KCNIP1: variants seen among roughly 807,000 people sequenced by gnomAD.
KCNIP1 encodes potassium voltage-gated channel interacting protein 1, also known as A-type potassium channel modulatory protein KCNIP1.
In KCNIP1, 18 loss-of-function variants were observed where a neutral mutation model predicts 33.0. The ratio of observed to expected loss-of-function variants is 0.55; its 90% CI spans 0.38 to 0.81. KCNIP1 has a LOEUF of 0.81. Among genes scored for constraint, KCNIP1 ranks in the 30% least tolerant of loss-of-function variants. The pLI is 0.00. For missense variants in KCNIP1, 238 were observed against 271.6 expected (o/e 0.88, Z 0.87); for synonymous variants, 93 against 98.3 (o/e 0.95, Z 0.32).
intron 1 of KCNIP1, chr5:170,681,141 C>G (rs539791313): frequency 2.5e-6 from 1 of 399,106 alleles, no homozygotes; most frequent in Non-Finnish European, 4.4e-6. Flanking sequence ...CTCCCTGAAA[C>G]TTTTGCACTA....
rs543689214 is a variant in KCNIP1, at chr5:170,619,450, C to G, written c.62-99308C>G. ...AAGGACACAAAGGTTTGCCAGGAGC[C>G]TTCAGGTAGGAGGCAGGTAAGGAGG... On this transcript the variant is annotated intron_variant, in intron 1 of 7. Coordinates refer to ENST00000328939, the MANE Select transcript of KCNIP1 (RefSeq NM_014592.4). Among the ~76,000 whole-genome samples the G allele has an allele frequency of 2.0e-3, 300 of 152,244 alleles. 2 individuals carry two copies. Among genetic ancestry groups the G allele is most frequent in the Non-Finnish European group, 2.0e-3 (138 of 68,018 alleles).
intron 1 of KCNIP1, among the ~76,000 whole-genome samples, chr5:170,420,066 A>G (rs1194585741): frequency 1.3e-5 from 2 of 152,234 alleles, no homozygotes; most frequent in South Asian, 4.1e-4. Context: ...GTAACATTAC[A>G]TTTTTTCATA....
rs137911350 is a variant in KCNIP1, at chr5:170,456,803, C to T, written c.88+102839C>T. On this transcript the variant is annotated intron_variant, in intron 1 of 7. Transcript: ENST00000377360. ...GTGCAATCACAGCTCACTGCAGCCT[C>T]GATCTCCTGGACTTAAGTGATCCTC... is the stretch of plus-strand genomic sequence containing the variant. Among the ~76,000 whole-genome samples, 1,267 of 151,812 alleles carry T rather than the reference C, an allele frequency of 8.3e-3. 10 individuals are homozygous for T. Among genetic ancestry groups the T allele is most frequent in the Non-Finnish European group, 0.012 (833 of 67,974 alleles).
chr5:170,635,596 T>C (rs1287465064), intron 1 of KCNIP1, among the ~76,000 whole-genome samples: 1 of 152,250 alleles, frequency 6.6e-6, no homozygotes, highest in African/African-American at 2.4e-5. Flanking sequence ...TAAACTTTCA[T>C]TTATTGCTAA....
chr5:170,446,192 T>C (rs1220329192), intron 1 of KCNIP1, among the ~76,000 whole-genome samples: 2 of 152,184 alleles, frequency 1.3e-5, no homozygotes, highest in African/African-American at 4.8e-5. Flanking sequence ...ACGGGATATG[T>C]TCTCCCCTTT....
At chr5:170,394,661 G>A (rs188652356) in intron 1 of KCNIP1, among the ~76,000 whole-genome samples, 1 of 152,248 alleles carries the variant, frequency 6.6e-6, no homozygotes, top group East Asian at 1.9e-4. Context: ...GGTGTAATGC[G>A]TGATGCTGAC....
chr5:170,599,068 G>A (rs962759807), intron 1 of KCNIP1, among the ~76,000 whole-genome samples: 3 of 152,024 alleles, frequency 2.0e-5, no homozygotes, highest in Non-Finnish European at 2.9e-5. Flanking sequence ...GCTGCCGTGG[G>A]GTTGAGGGCT....
At chr5:170,722,853 C>A in intron 5 of KCNIP1, 33 bp downstream of exon 5, 2 of 1,401,406 alleles carry the variant, frequency 1.4e-6, no homozygotes, top group South Asian at 1.2e-5. Context: ...TGTGAGAGGG[C>A]TCCAGTGAAG....
chr5:170,636,797 A>G (rs1296899382), intron 1 of KCNIP1, among the ~76,000 whole-genome samples: 6 of 152,198 alleles, frequency 3.9e-5, no homozygotes, highest in African/African-American at 9.7e-5. Context: ...TATCTCCTAC[A>G]TACGAAGTGC....
intron 1 of KCNIP1, among the ~76,000 whole-genome samples, chr5:170,576,280 G>C (rs1054803409): frequency 3.3e-5 from 5 of 152,162 alleles, no homozygotes; most frequent in Non-Finnish European, 7.3e-5. Context: ...GGTAACCTCA[G>C]GGCAGTCAGA....
At chr5:170,426,604 G>T (rs562877177) in intron 1 of KCNIP1, among the ~76,000 whole-genome samples, 2 of 152,240 alleles carry the variant, frequency 1.3e-5, no homozygotes, top group Admixed American at 6.5e-5. Flanking sequence ...CACTAGGGGC[G>T]CTGTGAGCAT....
intron 1 of KCNIP1, among the ~76,000 whole-genome samples, chr5:170,449,299 G>A (rs1756190540): frequency 6.6e-6 from 1 of 152,204 alleles, no homozygotes; most frequent in African/African-American, 2.4e-5. Context: ...TAATTGCTGA[G>A]CTTCTAAGCT....
intron 1 of KCNIP1, among the ~76,000 whole-genome samples, chr5:170,554,002 T>C (rs1756750914): frequency 6.6e-6 from 1 of 152,230 alleles, no homozygotes; most frequent in Non-Finnish European, 1.5e-5. Context: ...TAGACTGGTG[T>C]GACAATGTCC....
intron 1 of KCNIP1, among the ~76,000 whole-genome samples, chr5:170,534,531 G>T (rs1755902532): frequency 1.3e-5 from 2 of 151,452 alleles, no homozygotes; most frequent in South Asian, 4.2e-4. Context: ...GGAGAAGGAG[G>T]TGGCAGAGCT....
chr5:170,688,135 T>C (rs1047948640), intron 1 of KCNIP1, among the ~76,000 whole-genome samples: 11 of 152,210 alleles, frequency 7.2e-5, no homozygotes, highest in African/African-American at 2.7e-4. Context: ...GTGAGCACCA[T>C]TATTTTCCCA....
At chr5:170,655,835 G>T (rs1223086094) in intron 1 of KCNIP1, among the ~76,000 whole-genome samples, 1 of 152,172 alleles carries the variant, frequency 6.6e-6, no homozygotes, top group Non-Finnish European at 1.5e-5. Flanking sequence ...CAAGAAACCA[G>T]CCTCTCTCAA....
chr5:170,445,604 TAGTA>T (rs1411918439), intron 1 of KCNIP1, among the ~76,000 whole-genome samples: 1 of 152,214 alleles, frequency 6.6e-6, no homozygotes, highest in African/African-American at 2.4e-5. Flanking sequence ...ACCACATGGC[TAGTA>T]AGTGTCAGAG....
chr5:170,414,972 G>C (rs532854443), intron 1 of KCNIP1, among the ~76,000 whole-genome samples: 1 of 152,166 alleles, frequency 6.6e-6, no homozygotes, highest in Non-Finnish European at 1.5e-5. Context: ...GCATGTAGTA[G>C]GTGCTCAGCA....
At chr5:170,403,281 A>G (rs1052459137) in intron 1 of KCNIP1, among the ~76,000 whole-genome samples, 1 of 152,246 alleles carries the variant, frequency 6.6e-6, no homozygotes, top group Admixed American at 6.5e-5. Context: ...CTAGTTTGAC[A>G]TGTATGGGAT....
Sources: allele counts gnomAD v4.1 joint callset (sites outside exome capture counted in the v4.1 genomes callset), GRCh38; gene constraint gnomAD v4.1.1; transcripts MANE v1.5; gene names NCBI Gene and HGNC (gene_info 2026-07-23, HGNC 2026-07-21).